Variants in SCN9A observed in about 807,000 individuals in gnomAD.
SCN9A encodes sodium voltage-gated channel alpha subunit 9, also known as sodium channel protein type 9 subunit alpha.
Under a neutral mutation model 187.0 loss-of-function variants are expected in SCN9A, and 131 were observed. That is an observed-to-expected ratio of 0.70 (90% CI 0.61 to 0.81). The LOEUF (loss-of-function observed/expected upper bound fraction) is 0.81, where lower values mean the gene tolerates loss of function less well. Ranked by LOEUF, SCN9A falls within the 30% of genes least tolerant of loss-of-function variation. The pLI, the probability that SCN9A is intolerant of heterozygous loss-of-function variation, is 0.00. For missense variants in SCN9A, 2,252 were observed against 2,396.6 expected, an observed-to-expected ratio of 0.94 and a Z score of 1.26; for synonymous variants, 809 against 808.6, an observed-to-expected ratio of 1.00 and a Z score of -0.01.
intron 1 of SCN9A, among the ~76,000 whole-genome samples, chr2:166,366,355 T>C (rs898229802): frequency 6.6e-6 from 1 of 152,224 alleles, no homozygotes; most frequent in African/African-American, 2.4e-5. Flanking sequence ...TAAGATTTCC[T>C]TCTTTTTTTA....
intron 1 of SCN9A, chr2:166,321,646 G>T (rs578114636): frequency 7.9e-5 from 12 of 152,038 alleles, no homozygotes; most frequent in African/African-American, 2.4e-4. Context: ...GAAAAAAATG[G>T]AAGTTGAAGG....
intron 17 of SCN9A, among the ~76,000 whole-genome samples, chr2:166,255,659 A>G (rs1402415980): frequency 6.7e-6 from 1 of 148,986 alleles, no homozygotes; most frequent in African/African-American, 2.5e-5. Context: ...TTACATTTCA[A>G]GTACATACTA....
Position 166,288,635 on chromosome 2 carries a change from A to G in SCN9A, c.1116T>C (p.Arg372=). The change falls in exon 10 of 27, where the codon CGT becomes CGC. Residue 372 remains arginine, a synonymous_variant. Coordinates refer to ENST00000642356, the MANE Select transcript of SCN9A (RefSeq NM_001365536.1). ...YWENLYQQTL[R]AAGKTYMIFF... ...AGATCATGTAGGTTTTGCCAGCAGC[A>G]CGCAGCGTCTAGGGAAAAATGGAAA... The G allele has an allele frequency of 6.3e-7, 1 of 1,586,906 alleles. No individual in the cohort carries two copies. Among genetic ancestry groups the G allele is most frequent in the South Asian group, 1.2e-5 (1 of 86,368 alleles).
chr2:166,372,684 A>G (rs1263047871), intron 1 of SCN9A, among the ~76,000 whole-genome samples: 2 of 152,206 alleles, frequency 1.3e-5, no homozygotes. Flanking sequence ...ATATCATACC[A>G]TGATATTGTA....
rs1290377520 is a variant in SCN9A, at chr2:166,343,932, GA to G, written c.-51+31764del. 4.6e-5 allele frequency among the ~76,000 whole-genome samples: 7 copies of G among 152,200 alleles called. 1 individual carries two copies. In the East Asian group the frequency reaches 1.3e-3, roughly 29 times the overall value. The stretch of plus-strand genomic sequence containing the variant: ...GATGCTTTATAATGTAAAGTGAGTA[GA>G]GGGGCAAAGCACAAGAACCACTCAA... On this transcript the variant is annotated intron_variant, in intron 1 of 26. Transcript: ENST00000642356.
rs34448541 is a variant in SCN9A, at chr2:166,210,519, CA to C, written c.4399-6056del. On this transcript the variant is annotated intron_variant, in intron 24 of 26. Transcript: ENST00000642356. ...TAAAAAACCCTCAAAAGATGGACAC[CA>C]AAAAAAAAAAAAAAGGTAGATCATT... Among the ~76,000 whole-genome samples the C allele has an allele frequency of 8.6e-3, 826 of 96,342 alleles. 8 individuals are homozygous for C. The highest frequency in any genetic ancestry group is 0.026 in the African/African-American group (598 of 23,276). 63.2% of individuals were successfully genotyped at this position (96,342 alleles called of 152,430 possible). A position where few individuals can be genotyped will look rare whatever the true frequency, so the allele number is the denominator to read the frequency against.
Position 166,304,249 on chromosome 2 carries a change from G to A in SCN9A, c.677C>T (p.Ser226Phe). 3 of 1,613,380 alleles carry A rather than the reference G, an allele frequency of 1.9e-6. No homozygotes were observed. Among genetic ancestry groups the A allele is most frequent in the Non-Finnish European group, 2.5e-6 (3 of 1,179,456 alleles). The change falls in exon 6 of 27, where the codon TCT becomes TTT. Residue 226 changes from serine to phenylalanine, a missense_variant. Ser to Phe is a radical substitution (Grantham distance 155, BLOSUM62 -2). Coordinates refer to ENST00000642356, the MANE Select transcript of SCN9A (RefSeq NM_001365536.1). ...CAATTACTTCTTACCTGGGATTACA[G>A]AAATAGTTTTCAAAGCTCTCAATAC... ...FRVLRALKTI[S>F]VIPGLKTIVG...
Position 166,311,573 on chromosome 2 carries a change from T to C in SCN9A, c.184A>G (p.Ile62Val), listed in dbSNP as rs121908920. 1.5e-5 allele frequency: 25 copies of C among 1,613,182 alleles called. No individual in the cohort carries two copies. The highest frequency in any genetic ancestry group is 1.0e-4 in the Admixed American group (6 of 59,904). ...ATGCCGGGAGGAATGTCCCCATAGA[T>C]GAAGGGCAGCTGTTTGCCAGCTTCC... is the stretch of plus-strand genomic sequence containing the variant. ...DLEAGKQLPF[I>V]YGDIPPGMVS... The change falls in exon 2 of 27, where the codon ATC (isoleucine) becomes GTC (valine). Residue 62 changes from isoleucine to valine, a missense_variant. This residue lies in a region of SCN9A where 1,013 missense variants were observed against 997.4 expected (regional missense o/e 1.02). Transcript: ENST00000642356.
rs1250210480 is a variant in SCN9A at position 166,233,360 on chromosome 2, A to G, written c.3904T>C (p.Ser1302Pro). ...CTTACCCTCATTCCTTCAAATCTAG[A>G]TAAGGCTCTTAGAGGTCTTAAAGCT... is the stretch of plus-strand genomic sequence containing the variant. ...LRALRPLRALSRFEGMRVVVN... is the reference protein window; with the variant it reads ...LRALRPLRALPRFEGMRVVVN... Residue 1302 changes from serine to proline, a missense_variant, in exon 21 of 27, where the codon TCT becomes CCT. Around this residue, in one of 7 missense-constraint regions of SCN9A, gnomAD observed 368 missense variants for 408.6 expected, o/e 0.90. Coordinates refer to ENST00000642356, the MANE Select transcript of SCN9A (RefSeq NM_001365536.1). The G allele has an allele frequency of 1.3e-6, 2 of 1,552,492 alleles. No homozygotes were observed. Among genetic ancestry groups the G allele is most frequent in the East Asian group, 4.8e-5 (2 of 41,454 alleles).
intron 17 of SCN9A, among the ~76,000 whole-genome samples, chr2:166,252,449 T>C (rs1305196350): frequency 6.6e-6 from 1 of 151,944 alleles, no homozygotes; most frequent in Non-Finnish European, 1.5e-5. Flanking sequence ...ATGATATAGA[T>C]AGAAGTTCTT....
At chr2:166,201,566 G>A (rs1243962883) in intron 26 of SCN9A, among the ~76,000 whole-genome samples, 1 of 23,940 alleles carries the variant, frequency 4.2e-5, no homozygotes, top group African/African-American at 2.3e-4. Context: ...TAGAGTATGC[G>A]TATACTATAT....
Position 166,251,865 on chromosome 2 carries a change from G to C in SCN9A, c.3372C>G (p.Ser1124=). Residue 1124 remains serine (S), a synonymous_variant, in exon 18 of 27, where the codon TCC becomes TCG. Transcript: ENST00000642356. ...YSKVRLNRSS[S]SECSTVDNPL... is the part of the protein sequence containing the mutation. ...GGTTATCAACTGTGCTGCACTCTGA[G>C]GAGCTTGACCGGTTTAATCTCTAGA... is the stretch of plus-strand genomic sequence containing the variant. 1 of 1,612,432 alleles carries C rather than the reference G, an allele frequency of 6.2e-7. No homozygotes were observed. Among genetic ancestry groups the C allele is most frequent in the Non-Finnish European group, 8.5e-7 (1 of 1,179,008 alleles).
intron 1 of SCN9A, among the ~76,000 whole-genome samples, chr2:166,325,627 A>G (rs1017955631): frequency 1.3e-5 from 2 of 152,184 alleles, no homozygotes; most frequent in Non-Finnish European, 2.9e-5. Flanking sequence ...AAGCATACTA[A>G]ATATCTTTTA....
At chr2:166,216,466 T>A (rs531150663) in intron 24 of SCN9A, among the ~76,000 whole-genome samples, 16 of 152,190 alleles carry the variant, frequency 1.1e-4, no homozygotes, top group Admixed American at 1.0e-3. Flanking sequence ...AATGACATGA[T>A]CTTTATATGT....
At chr2:166,334,466 TG>T (rs1699580557) in intron 1 of SCN9A, among the ~76,000 whole-genome samples, 1 of 152,098 alleles carries the variant, frequency 6.6e-6, no homozygotes, top group Non-Finnish European at 1.5e-5. Context: ...AATTTATATT[TG>T]TATTACCTCC....
Position 166,281,735 on chromosome 2 carries a change from G to A in SCN9A, c.2048C>T (p.Pro683Leu), listed in dbSNP as rs1697498229. 6.2e-7 allele frequency: 1 copy of A among 1,613,104 alleles called. No individual in the cohort carries two copies. The highest frequency in any genetic ancestry group is 2.2e-5 in the East Asian group (1 of 44,782). ...ACTCATTGCTCTCTGTCTGAGGTTG[G>A]GATCATTCAGCATATCCTCTGAAAG... is the stretch of plus-strand genomic sequence containing the variant. Reference protein sequence around the residue: ...YLLSEDMLNDPNLRQRAMSRA... With the variant: ...YLLSEDMLNDLNLRQRAMSRA... The change falls in exon 13 of 27, where the codon CCC (proline) becomes CTC (leucine). Residue 683 changes from proline to leucine, a missense_variant. By Grantham distance (98) the Pro-to-Leu change is moderately conservative. Coordinates refer to ENST00000642356, the MANE Select transcript of SCN9A (RefSeq NM_001365536.1).
intron 6 of SCN9A, 84 bp from the exon 7 acceptor site, chr2:166,303,386 G>A (rs998045414): frequency 1.1e-5 from 12 of 1,082,162 alleles, no homozygotes; most frequent in Non-Finnish European, 1.6e-5. Context: ...AGAAAGTCAT[G>A]CATTATATCA....
At chr2:166,210,220 A>T (rs1267037943) in intron 24 of SCN9A, among the ~76,000 whole-genome samples, 4 of 151,790 alleles carry the variant, frequency 2.6e-5, no homozygotes, top group African/African-American at 9.7e-5. Context: ...AAAACCAAAC[A>T]CTGCACTTTC....
intron 1 of SCN9A, among the ~76,000 whole-genome samples, chr2:166,320,259 A>G (rs961334358): frequency 6.6e-6 from 1 of 152,118 alleles, no homozygotes; most frequent in Non-Finnish European, 1.5e-5. Flanking sequence ...TATAATAGTT[A>G]TTATTATGAT....
Sources: gnomAD v4.1 joint callset for allele counts (sites outside exome capture counted in the v4.1 genomes callset) on GRCh38, gnomAD v4.1.1 for gene constraint, gnomAD v4.1.1 regional missense constraint, MANE v1.5 for transcripts, NCBI Gene and HGNC (gene_info 2026-07-23, HGNC 2026-07-21) for gene names.